The following HMBOX1 variants were observed in gnomAD, a reference collection of about 807,000 sequenced individuals.
HMBOX1 encodes homeobox-containing protein 1.
Under a neutral mutation model 54.5 loss-of-function variants are expected in HMBOX1, and 14 were observed. That is an observed-to-expected ratio of 0.26 (90% CI 0.17 to 0.40). HMBOX1 has a LOEUF of 0.40. Ranked by LOEUF, HMBOX1 falls within the 10% of genes least tolerant of loss-of-function variation. The pLI is 1.00. For synonymous variants in HMBOX1, 160 were observed against 181.0 expected (o/e 0.88, Z 0.93); for missense variants, 332 against 514.4 (o/e 0.65, Z 3.43).
intron 1 of HMBOX1, among the ~76,000 whole-genome samples, chr8:28,909,180 T>C (rs992617479): frequency 1.3e-5 from 2 of 152,034 alleles, no homozygotes; most frequent in Non-Finnish European, 2.9e-5. Flanking sequence ...TTTTTAAAGG[T>C]TAGTTTGACA....
In HMBOX1 at chr8:29,052,615, A is replaced by C. The variant is rs868514866; in HGVS notation, c.*1460A>C. 6.6e-6 allele frequency: 1 copy of C among 152,136 alleles called. No homozygotes were observed. The highest frequency in any genetic ancestry group is 1.9e-4 in the East Asian group (1 of 5,204). 9.4% of individuals were successfully genotyped at this position (152,136 alleles called of 1,614,324 possible). A position where few individuals can be genotyped will look rare whatever the true frequency, so the allele number is the denominator to read the frequency against. Reference sequence around the variant, plus strand: ...TCACCCTGTGATCACCTTGTCATCTAGTAGCAAAATGATGAACTATTCATG... The same window carrying C: ...TCACCCTGTGATCACCTTGTCATCTCGTAGCAAAATGATGAACTATTCATG... On this transcript the variant is annotated 3_prime_UTR_variant, in exon 10 of 10. Coordinates refer to ENST00000287701, the MANE Select transcript of HMBOX1 (RefSeq NM_001135726.3).
intron 1 of HMBOX1, among the ~76,000 whole-genome samples, chr8:28,930,915 A>G (rs1236238667): frequency 6.6e-6 from 1 of 152,200 alleles, no homozygotes; most frequent in African/African-American, 2.4e-5. Context: ...TTTTGATGGT[A>G]GGGAACATGT....
intron 1 of HMBOX1, among the ~76,000 whole-genome samples, chr8:28,900,269 A>ATATATATATATATATATATAT (rs1422463025): frequency 8.7e-4 from 60 of 69,128 alleles, no homozygotes; most frequent in Admixed American, 1.7e-3. Flanking sequence ...AAAAAAAAAA[A>ATATATATATATATATATATAT]AAATATATAT....
At chr8:28,925,210 G>C (rs188777729) in intron 1 of HMBOX1, among the ~76,000 whole-genome samples, 4 of 152,254 alleles carry the variant, frequency 2.6e-5, no homozygotes, top group Non-Finnish European at 5.9e-5. Flanking sequence ...GAACACAGGC[G>C]TACACATTTT....
chr8:29,050,959 T>C, intron 9 of HMBOX1, 59 bp from the exon 10 acceptor site: 2 of 1,564,268 alleles, frequency 1.3e-6, no homozygotes, highest in East Asian at 2.2e-5. Flanking sequence ...AGCATGTCTC[T>C]CTGTGACTAA....
intron 8 of HMBOX1, chr8:29,048,735 C>T (rs143725026): frequency 9.9e-4 from 490 of 494,508 alleles, no homozygotes; most frequent in African/African-American, 8.4e-3. Context: ...CTAACATGCA[C>T]AGCAGCAGAG....
At chr8:28,923,519 T>A (rs778056721) in intron 1 of HMBOX1, among the ~76,000 whole-genome samples, 2 of 152,220 alleles carry the variant, frequency 1.3e-5, no homozygotes, top group South Asian at 4.1e-4. Context: ...TACCAATACT[T>A]TTTTCTTGTC....
chr8:28,943,667 T>A (rs928437357), intron 1 of HMBOX1, among the ~76,000 whole-genome samples: 6 of 152,186 alleles, frequency 3.9e-5, no homozygotes, highest in African/African-American at 1.2e-4. Flanking sequence ...TGAACCCTGT[T>A]AACACTTTTC....
At chr8:28,999,268 A>C (rs961461584) in intron 4 of HMBOX1, among the ~76,000 whole-genome samples, 2 of 152,092 alleles carry the variant, frequency 1.3e-5, no homozygotes, top group African/African-American at 4.8e-5. Context: ...TATCATATTG[A>C]GCATTGCTTG....
At chr8:29,010,325 C>T (rs530464380) in intron 5 of HMBOX1, 13 of 225,244 alleles carry the variant, frequency 5.8e-5, no homozygotes, top group Admixed American at 1.3e-4. Flanking sequence ...TTTGGGAGGC[C>T]GAAGTGGTCA....
At chr8:29,024,588 T>C (rs1801728575) in intron 6 of HMBOX1, among the ~76,000 whole-genome samples, 1 of 152,204 alleles carries the variant, frequency 6.6e-6, no homozygotes, top group African/African-American at 2.4e-5. Context: ...TATATTTAAG[T>C]TATAATATCT....
At chr8:28,964,604 A>T (rs1044150160) in intron 2 of HMBOX1, among the ~76,000 whole-genome samples, 6 of 152,188 alleles carry the variant, frequency 3.9e-5, no homozygotes, top group Non-Finnish European at 8.8e-5. Context: ...TATTTTCTAA[A>T]ATTTGATGGA....
chr8:29,023,235 T>C (rs4732898), intron 6 of HMBOX1, among the ~76,000 whole-genome samples: 130,558 of 152,182 alleles, frequency 0.86, 56,350 homozygotes, highest in Middle Eastern at 0.91. Flanking sequence ...TTAAATAAAA[T>C]ACTGTAGTCT....
At chr8:28,894,153 T>C (rs1324740203) in intron 1 of HMBOX1, among the ~76,000 whole-genome samples, 1 of 152,258 alleles carries the variant, frequency 6.6e-6, no homozygotes, top group Non-Finnish European at 1.5e-5. Flanking sequence ...TTTGGCTAGA[T>C]TTTTCTGTTA....
At chr8:29,039,157 C>G (rs985094217) in intron 6 of HMBOX1, among the ~76,000 whole-genome samples, 6 of 152,172 alleles carry the variant, frequency 3.9e-5, no homozygotes, top group African/African-American at 1.2e-4. Context: ...ATAATATCTT[C>G]TTTACATACC....
chr8:29,033,952 A>G (rs1042870809), intron 6 of HMBOX1, among the ~76,000 whole-genome samples: 1 of 152,252 alleles, frequency 6.6e-6, no homozygotes, highest in Non-Finnish European at 1.5e-5. Flanking sequence ...TGAGCCTTCA[A>G]AAACTCAAGC....
intron 1 of HMBOX1, among the ~76,000 whole-genome samples, chr8:28,909,329 C>A (rs183838585): frequency 1.1e-3 from 173 of 151,828 alleles, no homozygotes; most frequent in African/African-American, 3.9e-3. Context: ...TTGTAAAATA[C>A]AATAAAAATG....
intron 5 of HMBOX1, chr8:29,009,523 C>CTTTTTTTTTTTTTTTTTT (rs10706846): frequency 2.2e-6 from 1 of 451,984 alleles, no homozygotes; most frequent in Non-Finnish European, 2.6e-6. Context: ...TTCCGTATCT[C>CTTTTTTTTTTTTTTTTTT]TTTTTTTTTT....
intron 1 of HMBOX1, among the ~76,000 whole-genome samples, chr8:28,948,425 A>G (rs1251724040): frequency 6.6e-6 from 1 of 152,194 alleles, no homozygotes; most frequent in Non-Finnish European, 1.5e-5. Flanking sequence ...AGAGGATACC[A>G]TTTATCTCAT....
Sources: allele counts gnomAD v4.1 joint callset (sites outside exome capture counted in the v4.1 genomes callset), GRCh38; gene constraint gnomAD v4.1.1; transcripts MANE v1.5; gene names NCBI Gene and HGNC (gene_info 2026-07-23, HGNC 2026-07-21).